KLHL1: variants seen among roughly 807,000 people sequenced by gnomAD.
The protein encoded by KLHL1 is kelch like family member 1, also known as kelch-like protein 1.
KLHL1 carries 47 observed loss-of-function variants against 77.7 expected under a neutral mutation model. The ratio of observed to expected loss-of-function variants is 0.60; its 90% CI spans 0.48 to 0.77. KLHL1 has a LOEUF of 0.77. Ranked by LOEUF, KLHL1 falls within the 30% of genes least tolerant of loss-of-function variation. KLHL1 has a pLI of 0.00. For synonymous variants in KLHL1, 360 were observed against 325.2 expected (o/e 1.11, Z -1.15); for missense variants, 925 against 910.8 (o/e 1.02, Z -0.20).
chr13:69,903,831 G>A (rs534549059), intron 4 of KLHL1, among the ~76,000 whole-genome samples: 3 of 151,116 alleles, frequency 2.0e-5, no homozygotes, highest in South Asian at 2.1e-4. Flanking sequence ...TAGTAGAGAC[G>A]GGGTTTCACC....
chr13:69,797,951 T>C (rs1230997986), intron 6 of KLHL1, among the ~76,000 whole-genome samples: 1 of 152,190 alleles, frequency 6.6e-6, no homozygotes, highest in Non-Finnish European at 1.5e-5. Flanking sequence ...GCTTTTTACA[T>C]ATAAGTTTGA....
At chr13:69,754,763 A>G (rs1241007370) in intron 7 of KLHL1, among the ~76,000 whole-genome samples, 1 of 152,012 alleles carries the variant, frequency 6.6e-6, no homozygotes, top group Non-Finnish European at 1.5e-5. Flanking sequence ...CTGGCCTTAC[A>G]CCATTGTTCG....
chr13:70,053,433 A>T (rs1375255654), intron 1 of KLHL1, among the ~76,000 whole-genome samples: 1 of 152,088 alleles, frequency 6.6e-6, no homozygotes, highest in Non-Finnish European at 1.5e-5. Flanking sequence ...AATATATGTG[A>T]TTTAGAAACA....
intron 7 of KLHL1, among the ~76,000 whole-genome samples, chr13:69,771,677 C>T (rs9542084): frequency 0.019 from 2,861 of 152,158 alleles, 62 homozygotes; most frequent in Middle Eastern, 0.041. Flanking sequence ...GAGATACTAA[C>T]GGTGAAGATA....
chr13:69,715,483 T>A (rs1876076747), intron 9 of KLHL1, among the ~76,000 whole-genome samples: 1 of 151,078 alleles, frequency 6.6e-6, no homozygotes, highest in Non-Finnish European at 1.5e-5. Context: ...ATTATACCTC[T>A]TTTCTTTATA....
intron 7 of KLHL1, among the ~76,000 whole-genome samples, chr13:69,758,799 T>A (rs1160378589): frequency 6.6e-6 from 1 of 152,276 alleles, no homozygotes; most frequent in East Asian, 1.9e-4. Flanking sequence ...AAAAATAAGA[T>A]GACTGAGTAC....
chr13:69,781,478 A>ATTAT (rs1566245238), intron 7 of KLHL1, among the ~76,000 whole-genome samples: 1 of 151,996 alleles, frequency 6.6e-6, no homozygotes, highest in African/African-American at 2.4e-5. Context: ...GCATGCTTTC[A>ATTAT]TTATTTTCTA....
At chr13:69,961,893 A>C (rs1296763384) in intron 2 of KLHL1, among the ~76,000 whole-genome samples, 1 of 152,008 alleles carries the variant, frequency 6.6e-6, no homozygotes, top group Non-Finnish European at 1.5e-5. Flanking sequence ...CTTTATAACC[A>C]ATAAGGCAAA....
chr13:69,947,027 GTTGTGTGTGTGTGT>G (rs1174602324), intron 3 of KLHL1, among the ~76,000 whole-genome samples: 4 of 90,248 alleles, frequency 4.4e-5, no homozygotes, highest in Non-Finnish European at 6.2e-5. Flanking sequence ...GTGTGTGTGT[GTTGTGTGTGTGTGT>G]GTGTGTGTGT....
At chr13:69,772,039 C>T (rs1405375983) in intron 7 of KLHL1, among the ~76,000 whole-genome samples, 1 of 152,090 alleles carries the variant, frequency 6.6e-6, no homozygotes, top group East Asian at 1.9e-4. Flanking sequence ...GCAACCTCTG[C>T]CTCCTGGGTT....
chr13:69,784,252 A>G (rs906451724), intron 7 of KLHL1, among the ~76,000 whole-genome samples: 2 of 152,180 alleles, frequency 1.3e-5, no homozygotes, highest in Admixed American at 1.3e-4. Context: ...AAAGACCATC[A>G]AGGCTAGGAA....
At chr13:69,982,251 C>T (rs1291976444) in intron 1 of KLHL1, among the ~76,000 whole-genome samples, 2 of 151,334 alleles carry the variant, frequency 1.3e-5, no homozygotes. Flanking sequence ...CTGGGCAACA[C>T]GGTGAAACCC....
At chr13:70,008,592 T>A (rs761385739) in intron 1 of KLHL1, among the ~76,000 whole-genome samples, 7 of 152,078 alleles carry the variant, frequency 4.6e-5, no homozygotes, top group Non-Finnish European at 7.4e-5. Context: ...TCTCCTATAT[T>A]TCCTATAGTT....
chr13:70,089,570 T>C (rs1887625584), intron 1 of KLHL1, among the ~76,000 whole-genome samples: 1 of 152,034 alleles, frequency 6.6e-6, no homozygotes, highest in African/African-American at 2.4e-5. Flanking sequence ...TCTTTATTCT[T>C]TACACAATTA....
intron 4 of KLHL1, among the ~76,000 whole-genome samples, chr13:69,905,667 A>G (rs1882023233): frequency 6.6e-6 from 1 of 152,124 alleles, no homozygotes; most frequent in African/African-American, 2.4e-5. Context: ...AAGCTATTAA[A>G]TGTATTATTT....
intron 1 of KLHL1, among the ~76,000 whole-genome samples, chr13:70,073,372 C>T (rs1254748607): frequency 1.3e-5 from 2 of 151,948 alleles, no homozygotes; most frequent in Non-Finnish European, 2.9e-5. Context: ...AACACTTGGA[C>T]ACAGGAAGGG....
intron 4 of KLHL1, among the ~76,000 whole-genome samples, chr13:69,904,929 A>G (rs535362160): frequency 3.9e-5 from 6 of 152,176 alleles, no homozygotes; most frequent in Non-Finnish European, 8.8e-5. Context: ...TTCTACAATA[A>G]TAATATGCCT....
Position 69,701,565 on chromosome 13 carries a change from T to G in KLHL1, c.*137A>C, listed in dbSNP as rs1206074455. On this transcript the variant is annotated 3_prime_UTR_variant, in exon 11 of 11. Coordinates refer to ENST00000377844, the MANE Select transcript of KLHL1 (RefSeq NM_020866.3). Reference sequence around the variant, plus strand: ...ACTATTCTGTTTGATCTACTAACTCTTTCAACATCAGTAGGTAACGCTACA... The same window carrying G: ...ACTATTCTGTTTGATCTACTAACTCGTTCAACATCAGTAGGTAACGCTACA... The G allele has an allele frequency of 1.6e-6, 1 of 643,468 alleles. No individual in the cohort carries two copies. Among genetic ancestry groups the G allele is most frequent in the African/African-American group, 1.9e-5 (1 of 52,572 alleles). 39.9% of individuals were successfully genotyped at this position (643,468 alleles called of 1,614,324 possible).
Position 69,975,796 on chromosome 13 carries a change from T to A in KLHL1, c.504A>T (p.Ser168=). 6.2e-7 allele frequency: 1 copy of A among 1,607,082 alleles called. No homozygotes were observed. Among genetic ancestry groups the A allele is most frequent in the Non-Finnish European group, 8.5e-7 (1 of 1,177,714 alleles). ...ATGEGCGHRL[S]STGHSMTPQS... ...GAGGTGTCATTGAATGGCCGGTTGA[T>A]GACAGCCTATAAACCACACACACAC... Residue 168 remains serine, a synonymous_variant, in exon 2 of 11, where the codon TCA becomes TCT. Transcript: ENST00000377844.
Sources: gnomAD v4.1 joint callset for allele counts (sites outside exome capture counted in the v4.1 genomes callset) on GRCh38, gnomAD v4.1.1 for gene constraint, MANE v1.5 for transcripts, NCBI Gene and HGNC (gene_info 2026-07-23, HGNC 2026-07-21) for gene names.